PPARGC1B: variants seen among roughly 807,000 people sequenced by gnomAD.
PPARGC1B encodes PPARG coactivator 1 beta, also known as peroxisome proliferator-activated receptor gamma coactivator 1-beta.
Under a neutral mutation model 101.6 loss-of-function variants are expected in PPARGC1B, and 34 were observed. That is an observed-to-expected ratio of 0.33 (90% CI 0.25 to 0.45). PPARGC1B has a LOEUF of 0.45. Among genes scored for constraint, PPARGC1B ranks in the 20% least tolerant of loss-of-function variants. The pLI is 1.00. For missense variants in PPARGC1B, 1,234 were observed against 1,317.6 expected (o/e 0.94, Z 0.98); for synonymous variants, 548 against 539.3 (o/e 1.02, Z -0.22).
Position 149,833,291 on chromosome 5 carries a change from A to T in PPARGC1B, c.1218A>T (p.Arg406Ser). The T allele has an allele frequency of 1.2e-6, 2 of 1,613,386 alleles. No individual in the cohort carries two copies. The highest frequency in any genetic ancestry group is 1.7e-6 in the Non-Finnish European group (2 of 1,180,010). Residue 406 changes from arginine (R) to serine (S), a missense_variant, in exon 5 of 12, where the codon AGA becomes AGT. Coordinates refer to ENST00000309241, the MANE Select transcript of PPARGC1B (RefSeq NM_133263.4). The surrounding 1 kb of genome is among the most constrained non-coding windows in gnomAD (Gnocchi z 4.1). ...IAASPKSTGP[R>S]PSLRPLRLEV... Reference sequence around the variant, plus strand: ...CTTCACCCAAGAGCACCGGGCCCAGACCAAGCCTGCGCCCACTGCGGCTGG... The same window carrying T: ...CTTCACCCAAGAGCACCGGGCCCAGTCCAAGCCTGCGCCCACTGCGGCTGG...
At chr5:149,769,540 C>A (rs1285041794) in intron 1 of PPARGC1B, among the ~76,000 whole-genome samples, 3 of 152,202 alleles carry the variant, frequency 2.0e-5, no homozygotes, top group Non-Finnish European at 4.4e-5. Flanking sequence ...TACTCCCCGG[C>A]CATGCCCTCG....
chr5:149,766,110 T>A (rs1222726581), intron 1 of PPARGC1B, among the ~76,000 whole-genome samples: 1 of 152,222 alleles, frequency 6.6e-6, no homozygotes, highest in African/African-American at 2.4e-5. Context: ...AGCTTGGACC[T>A]TACAAATGAT....
intron 1 of PPARGC1B, among the ~76,000 whole-genome samples, chr5:149,799,459 T>C (rs2052491): frequency 0.86 from 131,007 of 152,106 alleles, 56,513 homozygotes; most frequent in Middle Eastern, 0.93. Flanking sequence ...AGGGCTCTCA[T>C]GCCCTTCCCT....
intron 2 of PPARGC1B, 70 bp from the exon 3 acceptor site, chr5:149,826,603 A>G (rs2113375891): frequency 8.2e-7 from 1 of 1,220,442 alleles, no homozygotes; most frequent in African/African-American, 1.5e-5. Flanking sequence ...CACCGTGGAG[A>G]CTGAGTCTAA....
At chr5:149,783,319 G>A (rs1756663077) in intron 1 of PPARGC1B, among the ~76,000 whole-genome samples, 2 of 152,164 alleles carry the variant, frequency 1.3e-5, no homozygotes, top group South Asian at 2.1e-4. Context: ...CAGAGTAAAG[G>A]GGATCAAGTG....
At chr5:149,818,701 A>G (rs1332100486) in intron 1 of PPARGC1B, 3 of 379,938 alleles carry the variant, frequency 7.9e-6, no homozygotes, top group Admixed American at 3.0e-5. Context: ...TTGTTCTCTG[A>G]GAAGTTCCCG....
chr5:149,774,692 A>G (rs1483640688), intron 1 of PPARGC1B, among the ~76,000 whole-genome samples: 1 of 151,732 alleles, frequency 6.6e-6, no homozygotes, highest in Non-Finnish European at 1.5e-5. Flanking sequence ...TCCCTGCCCC[A>G]TGTGTGACCT....
chr5:149,738,885 G>A (rs1054605643), intron 1 of PPARGC1B, among the ~76,000 whole-genome samples: 5 of 152,194 alleles, frequency 3.3e-5, no homozygotes, highest in Non-Finnish European at 1.5e-5. Flanking sequence ...ATGAACCACC[G>A]CGTCCAGCCT....
intron 1 of PPARGC1B, among the ~76,000 whole-genome samples, chr5:149,791,777 G>C (rs1757030818): frequency 6.6e-6 from 1 of 152,186 alleles, no homozygotes; most frequent in South Asian, 2.1e-4. Flanking sequence ...CTGGTGTCCA[G>C]CAGTACCCTT....
intron 1 of PPARGC1B, among the ~76,000 whole-genome samples, chr5:149,805,565 G>A (rs760829742): frequency 2.0e-5 from 3 of 152,016 alleles, no homozygotes; most frequent in Non-Finnish European, 4.4e-5. Context: ...TCTGCCTCCC[G>A]AATAGCTGGG....
At position 149,805,673 on chromosome 5, in the gene PPARGC1B, C is replaced by T. The variant is rs186204109; in HGVS notation, c.79-14760C>T. Among the ~76,000 whole-genome samples, 9 of 152,350 alleles carry T rather than the reference C, an allele frequency of 5.9e-5. No homozygotes were observed. In the East Asian group the frequency reaches 9.7e-4, roughly 16 times the overall value. ...CAGGCTGGTCTCGAACTCCTGACCT[C>T]AGGTGATCTGACCCACCCACCTTGG... is the stretch of plus-strand genomic sequence containing the variant. On this transcript the variant is annotated intron_variant, in intron 1 of 11. Coordinates refer to ENST00000309241, the MANE Select transcript of PPARGC1B (RefSeq NM_133263.4).
At chr5:149,817,685 C>T in intron 1 of PPARGC1B, 2 of 455,258 alleles carry the variant, frequency 4.4e-6, no homozygotes, top group Admixed American at 2.4e-5. Context: ...TTGAACATGC[C>T]CACTAGAATG....
At chr5:149,810,814 C>G (rs1716495763) in intron 1 of PPARGC1B, among the ~76,000 whole-genome samples, 1 of 115,676 alleles carries the variant, frequency 8.6e-6, no homozygotes, top group African/African-American at 3.3e-5. Flanking sequence ...TTCCCGCTTT[C>G]TCAGCCTCAA....
intron 1 of PPARGC1B, among the ~76,000 whole-genome samples, chr5:149,748,309 A>C (rs1171183375): frequency 7.3e-6 from 1 of 136,718 alleles, no homozygotes; most frequent in African/African-American, 2.9e-5. Flanking sequence ...AGATATAGAT[A>C]TAGATATAGA....
At chr5:149,780,014 C>T (rs933234902) in intron 1 of PPARGC1B, among the ~76,000 whole-genome samples, 8 of 152,182 alleles carry the variant, frequency 5.3e-5, no homozygotes, top group Non-Finnish European at 1.0e-4. Context: ...GTGTCCTCAG[C>T]CCAAGATGCT....
chr5:149,780,234 C>T (rs1470409978), intron 1 of PPARGC1B, among the ~76,000 whole-genome samples: 1 of 152,248 alleles, frequency 6.6e-6, no homozygotes, highest in African/African-American at 2.4e-5. Flanking sequence ...GCAGCCAGAG[C>T]CCCGTGTGAC....
At chr5:149,795,373 G>T (rs1338686377) in intron 1 of PPARGC1B, among the ~76,000 whole-genome samples, 1 of 152,144 alleles carries the variant, frequency 6.6e-6, no homozygotes, top group Non-Finnish European at 1.5e-5. Flanking sequence ...AGCTATTGTA[G>T]TTAAAGCATA....
intron 1 of PPARGC1B, among the ~76,000 whole-genome samples, chr5:149,810,511 G>A (rs182911814): frequency 7.9e-5 from 12 of 152,332 alleles, no homozygotes; most frequent in African/African-American, 2.4e-4. Context: ...ATCTCACCCC[G>A]ACACAGCAAC....
chr5:149,768,863 C>T (rs1003173025), intron 1 of PPARGC1B, among the ~76,000 whole-genome samples: 3 of 151,934 alleles, frequency 2.0e-5, no homozygotes, highest in African/African-American at 7.3e-5. Flanking sequence ...CTTTGTTGCC[C>T]AGACTGCTCT....
Sources: allele counts gnomAD v4.1 joint callset (sites outside exome capture counted in the v4.1 genomes callset), GRCh38; gene constraint gnomAD v4.1.1; non-coding constraint Gnocchi (gnomAD v3.1); transcripts MANE v1.5; gene names NCBI Gene and HGNC (gene_info 2026-07-23, HGNC 2026-07-21).